Variants in ZMIZ1 observed in about 807,000 individuals in gnomAD.
ZMIZ1 encodes the protein zinc finger MIZ-type containing 1, also known as zinc finger MIZ domain-containing protein 1.
A neutral mutation model predicts 113.9 loss-of-function variants in ZMIZ1; 17 were observed. The observed-to-expected ratio is 0.15, with a 90% CI of 0.10 to 0.22. ZMIZ1 has a LOEUF of 0.22. Among genes scored for constraint, ZMIZ1 ranks in the 10% least tolerant of loss-of-function variants. ZMIZ1 has a pLI of 1.00. For synonymous variants in ZMIZ1, 607 were observed against 603.1 expected (o/e 1.01, Z -0.09); for missense variants, 1,059 against 1,477.8 (o/e 0.72, Z 4.65).
chr10:79,200,688 A>G (rs1848037777), intron 4 of ZMIZ1, among the ~76,000 whole-genome samples: 1 of 152,150 alleles, frequency 6.6e-6, no homozygotes, highest in African/African-American at 2.4e-5. Context: ...TTATCTAGAA[A>G]ATGGGTGTGG....
At position 79,296,448 on chromosome 10, in the gene ZMIZ1, C is replaced by CT; in HGVS notation, c.1231-22dup. On this transcript the variant is annotated intron_variant, in intron 12 of 24. Coordinates refer to ENST00000334512, the MANE Select transcript of ZMIZ1 (RefSeq NM_020338.4). This position sits in a 1 kb window ranked among gnomAD's most constrained non-coding sequence, Gnocchi z 4.1. ...GTTGGCAACATTGAACGTGTTTCCC[C>CT]TCTCCTTTCTCTCCCACCACAGCCC... 2 of 1,613,256 alleles carry CT rather than the reference C, an allele frequency of 1.2e-6. No homozygotes were observed. Among genetic ancestry groups the CT allele is most frequent in the Non-Finnish European group, 1.7e-6 (2 of 1,179,532 alleles).
intron 8 of ZMIZ1, among the ~76,000 whole-genome samples, chr10:79,282,057 A>G (rs531971938): frequency 6.6e-6 from 1 of 152,308 alleles, no homozygotes; most frequent in African/African-American, 2.4e-5. Context: ...GTGGTTAGGC[A>G]ATTGAAAGTT....
In ZMIZ1 at chr10:79,304,010, C is replaced by T. The variant is rs777389516; in HGVS notation, c.2126-5C>T. The T allele has an allele frequency of 1.5e-5, 25 of 1,613,766 alleles. No homozygotes were observed. In the Admixed American group the frequency reaches 1.8e-4, roughly 12 times the overall value. ...CCTCACCTGTCTGTGCCTCCTGCCC[C>T]GCAGTCAAGCGGAATTTCAGCAGCG... is the stretch of plus-strand genomic sequence containing the variant. On this transcript the variant is annotated splice_polypyrimidine_tract_variant and splice_region_variant and intron_variant, in intron 18 of 24. Coordinates refer to ENST00000334512, the MANE Select transcript of ZMIZ1 (RefSeq NM_020338.4).
rs1486375980 is a variant in ZMIZ1, at chr10:79,099,436, T to A, written c.-336-19479T>A. Among the ~76,000 whole-genome samples, 3 of 152,304 alleles carry A rather than the reference T, an allele frequency of 2.0e-5. No individual in the cohort carries two copies. The East Asian group carries it at 5.8e-4, about 29-fold the overall frequency. ...TCCTGGCTGGTTCTGCATCTGTGTT[T>A]GCCTTTAAAAAAGGTGGGTTGCAAG... On this transcript the variant is annotated intron_variant, in intron 1 of 24. Coordinates refer to ENST00000334512, the MANE Select transcript of ZMIZ1 (RefSeq NM_020338.4).
At chr10:79,085,468 C>T (rs1467839461) in intron 1 of ZMIZ1, among the ~76,000 whole-genome samples, 3 of 152,214 alleles carry the variant, frequency 2.0e-5, no homozygotes, top group Non-Finnish European at 2.9e-5. Context: ...CTGACTCCTG[C>T]CTGGCACTCA....
chr10:79,217,190 G>A (rs562405168), intron 7 of ZMIZ1, among the ~76,000 whole-genome samples: 25 of 152,296 alleles, frequency 1.6e-4, no homozygotes, highest in East Asian at 7.7e-4. Context: ...TTGGGAGGCC[G>A]AGGCGAGCAG....
At chr10:79,179,730 G>A (rs1024844242) in intron 4 of ZMIZ1, among the ~76,000 whole-genome samples, 9 of 152,264 alleles carry the variant, frequency 5.9e-5, no homozygotes, top group Admixed American at 2.0e-4. Context: ...TCTAGCTCAT[G>A]GAAATGAAAA....
chr10:79,303,764 A>G (rs942306170), intron 18 of ZMIZ1, among the ~76,000 whole-genome samples: 6 of 152,204 alleles, frequency 3.9e-5, no homozygotes, highest in Non-Finnish European at 8.8e-5. Flanking sequence ...CTGCAGAGAC[A>G]GGGGAACTGC....
intron 8 of ZMIZ1, among the ~76,000 whole-genome samples, chr10:79,282,537 A>G (rs1343211949): frequency 2.0e-5 from 3 of 152,178 alleles, no homozygotes; most frequent in East Asian, 1.9e-4. Context: ...GGGTGTCACA[A>G]TCATGTCTGC....
intron 1 of ZMIZ1, among the ~76,000 whole-genome samples, chr10:79,090,607 A>G (rs1339714401): frequency 2.0e-5 from 3 of 152,320 alleles, no homozygotes; most frequent in South Asian, 2.1e-4. Context: ...CAATGAAGCC[A>G]TGTGCTGAGA....
rs527375194 is a variant in ZMIZ1, at chr10:79,306,983, C to T, written c.2669-422C>T. ...AGGGAGGCGGAACAGCTGGCTTCTG[C>T]GGGTGTCATCCTGAGTCTGCTGCAG... On this transcript the variant is annotated intron_variant, in intron 22 of 24. Coordinates refer to ENST00000334512, the MANE Select transcript of ZMIZ1 (RefSeq NM_020338.4). Among the ~76,000 whole-genome samples the T allele has an allele frequency of 4.6e-5, 7 of 152,334 alleles. No homozygotes were observed. The South Asian group carries it at 6.2e-4, about 14-fold the overall frequency.
intron 2 of ZMIZ1, among the ~76,000 whole-genome samples, chr10:79,133,859 A>G (rs1463972649): frequency 6.6e-6 from 1 of 152,214 alleles, no homozygotes; most frequent in Non-Finnish European, 1.5e-5. Flanking sequence ...GGACTGGGGC[A>G]TTGCCGCAGG....
At chr10:79,143,724 G>T (rs968747565) in intron 3 of ZMIZ1, among the ~76,000 whole-genome samples, 1 of 151,752 alleles carries the variant, frequency 6.6e-6, no homozygotes, top group Non-Finnish European at 1.5e-5. Context: ...AGGAACGGCT[G>T]CACACAGTAT....
chr10:79,170,825 A>G (rs1051297818), intron 4 of ZMIZ1, among the ~76,000 whole-genome samples: 11 of 152,016 alleles, frequency 7.2e-5, no homozygotes, highest in African/African-American at 2.7e-4. Flanking sequence ...GTGGCTCACA[A>G]TCTGGTCTCT....
At chr10:79,125,109 G>T (rs1040699458) in intron 2 of ZMIZ1, among the ~76,000 whole-genome samples, 19 of 152,216 alleles carry the variant, frequency 1.2e-4, no homozygotes, top group African/African-American at 4.3e-4. Flanking sequence ...AGCAACCCAG[G>T]CACCTCTGCT....
intron 1 of ZMIZ1, among the ~76,000 whole-genome samples, chr10:79,093,836 A>G (rs1843076124): frequency 6.6e-6 from 1 of 152,156 alleles, no homozygotes; most frequent in South Asian, 2.1e-4. Context: ...GCAGACAGAC[A>G]GTCTTCCTCT....
At chr10:79,117,395 C>T (rs193105527) in intron 1 of ZMIZ1, among the ~76,000 whole-genome samples, 1,808 of 152,272 alleles carry the variant, frequency 0.012, 43 homozygotes, top group African/African-American at 0.041. Context: ...TATTCTCTGT[C>T]GTGCCTGGCT....
intron 2 of ZMIZ1, among the ~76,000 whole-genome samples, chr10:79,130,952 C>T (rs1200981990): frequency 6.6e-6 from 1 of 152,156 alleles, no homozygotes; most frequent in Non-Finnish European, 1.5e-5. Flanking sequence ...CGGATTGTTC[C>T]CTCTTTGTCT....
At chr10:79,105,359 G>C (rs1003984943) in intron 1 of ZMIZ1, among the ~76,000 whole-genome samples, 3 of 152,222 alleles carry the variant, frequency 2.0e-5, no homozygotes, top group African/African-American at 7.2e-5. Context: ...ACTGACTGCT[G>C]TGTGACCTGG....
Sources: allele counts gnomAD v4.1 joint callset (sites outside exome capture counted in the v4.1 genomes callset), GRCh38; gene constraint gnomAD v4.1.1; non-coding constraint Gnocchi (gnomAD v3.1); transcripts MANE v1.5; gene names NCBI Gene and HGNC (gene_info 2026-07-23, HGNC 2026-07-21).